Variants in CTNNA3 observed in about 807,000 individuals in gnomAD.
CTNNA3 encodes the protein catenin alpha 3, also known as catenin alpha-3.
CTNNA3 carries 76 observed loss-of-function variants against 95.7 expected under a neutral mutation model. The observed-to-expected ratio is 0.79, with a 90% CI of 0.66 to 0.96. The LOEUF (loss-of-function observed/expected upper bound fraction) is 0.96. CTNNA3 is among the 40% of genes least tolerant of loss of function. The pLI is 0.00. For synonymous variants in CTNNA3, 431 were observed against 374.4 expected (o/e 1.15, Z -1.74); for missense variants, 1,191 against 1,089.8 (o/e 1.09, Z -1.31).
At chr10:67,195,443 A>C (rs564457466) in intron 6 of CTNNA3, among the ~76,000 whole-genome samples, 1 of 144,200 alleles carries the variant, frequency 6.9e-6, no homozygotes, top group South Asian at 2.2e-4. Context: ...AATGAGGAAA[A>C]TAAAATCTAC....
chr10:66,583,191 T>C (rs1314294993), intron 10 of CTNNA3, among the ~76,000 whole-genome samples: 3 of 151,886 alleles, frequency 2.0e-5, no homozygotes, highest in African/African-American at 7.2e-5. Context: ...CTCAATCTTT[T>C]GGAATAGATT....
At chr10:66,717,856 T>G (rs996670405) in intron 9 of CTNNA3, among the ~76,000 whole-genome samples, 1 of 152,200 alleles carries the variant, frequency 6.6e-6, no homozygotes, top group African/African-American at 2.4e-5. Flanking sequence ...CAGCTCTAGA[T>G]TCTCTGGCTA....
chr10:66,374,719 A>G (rs985324540), intron 12 of CTNNA3, among the ~76,000 whole-genome samples: 1 of 148,886 alleles, frequency 6.7e-6, no homozygotes, highest in African/African-American at 2.5e-5. Context: ...GGTTCAAGCA[A>G]TTCTCCTGCC....
At chr10:67,145,163 C>T (rs1860780654) in intron 7 of CTNNA3, among the ~76,000 whole-genome samples, 1 of 152,076 alleles carries the variant, frequency 6.6e-6, no homozygotes, top group African/African-American at 2.4e-5. Flanking sequence ...TTCCATGGTG[C>T]GCCAAAATAA....
intron 7 of CTNNA3, among the ~76,000 whole-genome samples, chr10:66,981,254 T>A (rs1850424388): frequency 6.6e-6 from 1 of 152,220 alleles, no homozygotes; most frequent in Non-Finnish European, 1.5e-5. Flanking sequence ...CTGACTACAG[T>A]TAAGCATCCT....
At chr10:67,738,405 A>C (rs1841315078) in intron 1 of CTNNA3, among the ~76,000 whole-genome samples, 4 of 152,252 alleles carry the variant, frequency 2.6e-5, no homozygotes, top group Admixed American at 2.0e-4. Context: ...AGCAACATCA[A>C]CAAAAAGGAC....
intron 12 of CTNNA3, among the ~76,000 whole-genome samples, chr10:66,285,032 A>T (rs991322968): frequency 6.6e-6 from 1 of 151,848 alleles, no homozygotes; most frequent in Non-Finnish European, 1.5e-5. Context: ...TACCTCATAG[A>T]TCATATATCA....
At chr10:66,467,122 T>C (rs1379477576) in intron 11 of CTNNA3, among the ~76,000 whole-genome samples, 2 of 152,098 alleles carry the variant, frequency 1.3e-5, no homozygotes, top group Non-Finnish European at 2.9e-5. Context: ...GTCTATAGCA[T>C]TCTTTATCAA....
chr10:67,206,748 T>C (rs1306780218), intron 6 of CTNNA3, among the ~76,000 whole-genome samples: 1 of 151,408 alleles, frequency 6.6e-6, no homozygotes. Flanking sequence ...GATTCTAGAA[T>C]CTAGAATCAG....
intron 13 of CTNNA3, among the ~76,000 whole-genome samples, chr10:66,261,370 T>C (rs6480154): frequency 0.99 from 151,058 of 152,214 alleles, 74,967 homozygotes; most frequent in Middle Eastern, 1. Context: ...TCTCTTTTTC[T>C]AGTCCTTATG....
chr10:66,209,726 A>G (rs1405566838), intron 13 of CTNNA3, among the ~76,000 whole-genome samples: 2 of 152,164 alleles, frequency 1.3e-5, no homozygotes, highest in African/African-American at 4.8e-5. Flanking sequence ...TTTTATAGTA[A>G]TAAGCTAGTT....
Position 67,353,501 on chromosome 10 carries a change from C to CATA in CTNNA3, c.580-133632_580-133631insTAT, listed in dbSNP as rs530258112. On this transcript the variant is annotated intron_variant, in intron 5 of 17. Transcript: ENST00000433211. Reference sequence around the variant, plus strand: ...GCACGTTACATAGTCTTAAAGATTGCTAGTAATTCAATAGTTAAATTTGAT... The same window carrying CATA: ...GCACGTTACATAGTCTTAAAGATTGCATATAGTAATTCAATAGTTAAATTTGAT... 8.0e-3 allele frequency among the ~76,000 whole-genome samples: 1,210 copies of CATA among 151,924 alleles called. 26 individuals are homozygous for CATA. Among genetic ancestry groups the CATA allele is most frequent in the African/African-American group, 0.028 (1,144 of 41,494 alleles).
At chr10:67,134,034 G>T (rs1222741197) in intron 7 of CTNNA3, among the ~76,000 whole-genome samples, 3 of 152,070 alleles carry the variant, frequency 2.0e-5, no homozygotes, top group African/African-American at 7.2e-5. Context: ...CAAGTTACAT[G>T]ATTTGCCCAA....
At chr10:66,965,310 G>A (rs575243656) in intron 7 of CTNNA3, among the ~76,000 whole-genome samples, 13 of 152,194 alleles carry the variant, frequency 8.5e-5, no homozygotes, top group African/African-American at 2.4e-4. Context: ...GCTAAGGCAG[G>A]TGGATCATGA....
intron 5 of CTNNA3, among the ~76,000 whole-genome samples, chr10:67,317,752 C>T (rs1841121562): frequency 6.6e-6 from 1 of 152,054 alleles, no homozygotes. Context: ...GTCAAACATA[C>T]TACTTTCTGG....
At chr10:67,233,756 G>C (rs1268552340) in intron 5 of CTNNA3, among the ~76,000 whole-genome samples, 2 of 151,044 alleles carry the variant, frequency 1.3e-5, no homozygotes, top group Admixed American at 6.6e-5. Context: ...AAAATTGATA[G>C]ACCGCTAGCA....
chr10:67,473,928 G>A (rs973342881), intron 5 of CTNNA3, among the ~76,000 whole-genome samples: 4 of 152,036 alleles, frequency 2.6e-5, no homozygotes, highest in South Asian at 2.1e-4. Flanking sequence ...TATGTAGCCC[G>A]AGTCACATGG....
At chr10:66,243,330 T>C (rs1281594008) in intron 13 of CTNNA3, among the ~76,000 whole-genome samples, 1 of 152,228 alleles carries the variant, frequency 6.6e-6, no homozygotes, top group African/African-American at 2.4e-5. Context: ...GGTCTTTTCC[T>C]GATCCAGGAG....
intron 13 of CTNNA3, among the ~76,000 whole-genome samples, chr10:66,232,095 C>A (rs1252828987): frequency 6.6e-6 from 1 of 152,104 alleles, no homozygotes; most frequent in African/African-American, 2.4e-5. Context: ...CAGAGTTAAT[C>A]CTAAAGAGAG....
Sources: allele counts gnomAD v4.1 joint callset (sites outside exome capture counted in the v4.1 genomes callset), GRCh38; gene constraint gnomAD v4.1.1; transcripts MANE v1.5; gene names NCBI Gene and HGNC (gene_info 2026-07-23, HGNC 2026-07-21).